Variants in CYRIB observed in about 807,000 individuals in gnomAD.
CYRIB encodes the protein CYFIP-related Rac1 interactor B.
A neutral mutation model predicts 44.2 loss-of-function variants in CYRIB; 8 were observed. That is an observed-to-expected ratio of 0.18 (90% confidence interval 0.11 to 0.33). The LOEUF (loss-of-function observed/expected upper bound fraction) is 0.33. Among genes scored for constraint, CYRIB ranks in the 10% least tolerant of loss-of-function variants. The pLI is 1.00. For missense variants in CYRIB, 185 were observed against 382.8 expected (o/e 0.48, Z 4.31); for synonymous variants, 131 against 127.2 (o/e 1.03, Z -0.20).
At chr8:130,011,705 T>C (rs148111609) in intron 1 of CYRIB, among the ~76,000 whole-genome samples, 21,461 of 146,038 alleles carry the variant, frequency 0.15, 1,575 homozygotes, top group South Asian at 0.29. Context: ...TGGTGGCGGG[T>C]GCCTGTAGTC....
intron 2 of CYRIB, among the ~76,000 whole-genome samples, chr8:129,897,028 G>C (rs2068430965): frequency 6.6e-6 from 1 of 151,990 alleles, no homozygotes; most frequent in Non-Finnish European, 1.5e-5. Context: ...TTAATTTCTG[G>C]GGTTGACTAG....
chr8:130,008,072 G>A (rs564929609), intron 1 of CYRIB, among the ~76,000 whole-genome samples: 1 of 151,956 alleles, frequency 6.6e-6, no homozygotes, highest in Non-Finnish European at 1.5e-5. Flanking sequence ...AGCCAGGTAT[G>A]GTTGCGGGCG....
At chr8:129,887,168 G>A (rs933518468) in intron 2 of CYRIB, among the ~76,000 whole-genome samples, 9 of 152,236 alleles carry the variant, frequency 5.9e-5, no homozygotes, top group Admixed American at 1.3e-4. Context: ...TCACAGGCCA[G>A]GCCCAGGGCC....
chr8:129,885,491 T>A (rs1455714366), intron 2 of CYRIB, among the ~76,000 whole-genome samples: 1 of 152,204 alleles, frequency 6.6e-6, no homozygotes, highest in Non-Finnish European at 1.5e-5. Flanking sequence ...CAGCTTCACT[T>A]TAAATCAGGG....
chr8:130,009,187 C>T (rs1349765228), intron 1 of CYRIB, among the ~76,000 whole-genome samples: 1 of 152,176 alleles, frequency 6.6e-6, no homozygotes. Context: ...CAACCTGCCA[C>T]TGTCCTTTTT....
chr8:129,947,063 TA>T (rs2094192067), intron 2 of CYRIB, among the ~76,000 whole-genome samples: 1 of 133,908 alleles, frequency 7.5e-6, no homozygotes, highest in South Asian at 2.5e-4. Flanking sequence ...TTTATTTATT[TA>T]TTTTTTTTTT....
At chr8:129,870,666 T>C (rs748328253) in intron 4 of CYRIB, among the ~76,000 whole-genome samples, 4 of 151,990 alleles carry the variant, frequency 2.6e-5, no homozygotes, top group Admixed American at 6.6e-5. Context: ...AAACAGAGGA[T>C]GGGAAGAATC....
chr8:130,011,068 C>A (rs2097202253), intron 1 of CYRIB, among the ~76,000 whole-genome samples: 2 of 152,050 alleles, frequency 1.3e-5, no homozygotes, highest in African/African-American at 2.4e-5. Flanking sequence ...TAAAACATAG[C>A]CCATCATTAA....
At chr8:129,871,453 C>A in exon 4 of CYRIB, 2 of 1,611,372 alleles carry the variant, frequency 1.2e-6, no homozygotes, top group African/African-American at 1.3e-5. Context: ...ATACTACATT[C>A]ACCTGATTAT....
chr8:130,005,635 G>A (rs916008948), intron 1 of CYRIB, among the ~76,000 whole-genome samples: 3 of 152,038 alleles, frequency 2.0e-5, no homozygotes, highest in Admixed American at 6.6e-5. Flanking sequence ...GGGTGATGGG[G>A]TCCCCGGGTG....
At chr8:129,967,523 G>C (rs1051728366) in intron 2 of CYRIB, among the ~76,000 whole-genome samples, 2 of 152,030 alleles carry the variant, frequency 1.3e-5, no homozygotes, top group African/African-American at 4.8e-5. Context: ...GGGACTACAG[G>C]CGCCTGCCAC....
intron 2 of CYRIB, among the ~76,000 whole-genome samples, chr8:129,880,787 C>G (rs901989492): frequency 2.6e-5 from 4 of 152,114 alleles, no homozygotes; most frequent in Non-Finnish European, 4.4e-5. Flanking sequence ...AATTTAACAG[C>G]AAAACTAGAT....
chr8:129,998,119 CAAAAAAAAAAAA>C (rs34658935), intron 1 of CYRIB, among the ~76,000 whole-genome samples: 1 of 93,198 alleles, frequency 1.1e-5, no homozygotes, highest in African/African-American at 3.9e-5. Flanking sequence ...GACTCTGTCT[CAAAAAAAAAAAA>C]AAAAAAACAA....
chr8:129,916,423 A>C (rs1343409053), intron 1 of CYRIB, among the ~76,000 whole-genome samples: 1 of 151,976 alleles, frequency 6.6e-6, no homozygotes, highest in Non-Finnish European at 1.5e-5. Flanking sequence ...AAAAAAAAAA[A>C]CTTCTAATAG....
Position 129,854,819 on chromosome 8 carries a change from G to A in CYRIB, c.439-476C>T, listed in dbSNP as rs549274054. Among the ~76,000 whole-genome samples, 5 of 152,262 alleles carry A rather than the reference G, an allele frequency of 3.3e-5. No individual in the cohort carries two copies. The East Asian group carries it at 9.7e-4, about 29-fold the overall frequency. On this transcript the variant is annotated intron_variant, in intron 6 of 11. Coordinates refer to ENST00000519824, the Ensembl canonical transcript of CYRIB. The stretch of plus-strand genomic sequence containing the variant: ...TGAAAAATCAAAGGACGTGCCCAAC[G>A]TCTCATGACTAGGGTTACTGTGGCA...
chr8:129,870,694 C>T (rs929898179), intron 4 of CYRIB, among the ~76,000 whole-genome samples: 6 of 152,204 alleles, frequency 3.9e-5, no homozygotes, highest in African/African-American at 1.4e-4. Context: ...ACAGCACGGG[C>T]AATGGCTTCA....
chr8:129,961,148 C>T (rs1433737556), intron 2 of CYRIB, among the ~76,000 whole-genome samples: 4 of 152,230 alleles, frequency 2.6e-5, no homozygotes, highest in African/African-American at 9.6e-5. Flanking sequence ...GGCTTCTTCC[C>T]CTGAAAAATG....
At chr8:129,913,798 G>A (rs2079310778) in intron 1 of CYRIB, among the ~76,000 whole-genome samples, 1 of 152,130 alleles carries the variant, frequency 6.6e-6, no homozygotes, top group South Asian at 2.1e-4. Flanking sequence ...ATAAGAATAT[G>A]TCTAGCATTT....
chr8:129,877,796 A>G (rs2059642146), intron 3 of CYRIB, among the ~76,000 whole-genome samples: 1 of 152,072 alleles, frequency 6.6e-6, no homozygotes, highest in South Asian at 2.1e-4. Flanking sequence ...ACCATAACAT[A>G]ATACTAGGTT....
Sources: gnomAD v4.1 joint callset for allele counts (sites outside exome capture counted in the v4.1 genomes callset) on GRCh38, gnomAD v4.1.1 for gene constraint, MANE v1.5 for transcripts, NCBI Gene and HGNC (gene_info 2026-07-23, HGNC 2026-07-21) for gene names.